MACROD2: variants seen among roughly 807,000 people sequenced by gnomAD.
The protein encoded by MACROD2 is ADP-ribose glycohydrolase MACROD2.
MACROD2 carries 36 observed loss-of-function variants against 70.4 expected under a neutral mutation model. The observed-to-expected ratio is 0.51, with a 90% CI of 0.39 to 0.68. The LOEUF (loss-of-function observed/expected upper bound fraction) is 0.68, where lower values mean the gene tolerates loss of function less well. MACROD2 is among the 30% of genes least tolerant of loss of function. The pLI is 0.00. For synonymous variants in MACROD2, 172 were observed against 178.8 expected, an observed-to-expected ratio of 0.96 and a Z score of 0.30; for missense variants, 496 against 538.4, an observed-to-expected ratio of 0.92 and a Z score of 0.78.
intron 8 of MACROD2, among the ~76,000 whole-genome samples, chr20:15,797,136 T>C (rs1393902063): frequency 1.4e-4 from 21 of 152,106 alleles, no homozygotes. Context: ...GTTTTTGAGA[T>C]GGAGTCTCGC....
intron 3 of MACROD2, among the ~76,000 whole-genome samples, chr20:14,311,376 T>C (rs1743107481): frequency 6.6e-6 from 1 of 152,190 alleles, no homozygotes; most frequent in Non-Finnish European, 1.5e-5. Flanking sequence ...AAGTAGGGTA[T>C]ACCATATCCT....
intron 3 of MACROD2, among the ~76,000 whole-genome samples, chr20:14,090,592 C>T (rs1237006766): frequency 1.3e-5 from 2 of 151,814 alleles, no homozygotes; most frequent in African/African-American, 4.8e-5. Flanking sequence ...AAAAAGAACC[C>T]CCTCATGCTG....
At chr20:15,788,355 G>A (rs774703823) in intron 8 of MACROD2, among the ~76,000 whole-genome samples, 2 of 152,134 alleles carry the variant, frequency 1.3e-5, no homozygotes, top group African/African-American at 2.4e-5. Flanking sequence ...CTTGTCCTTC[G>A]TAATAGTGGA....
intron 6 of MACROD2, among the ~76,000 whole-genome samples, chr20:15,415,430 T>C (rs1363009117): frequency 6.6e-6 from 1 of 152,174 alleles, no homozygotes; most frequent in Non-Finnish European, 1.5e-5. Context: ...GAAGGATGTG[T>C]CCCACTTTCA....
Position 14,450,792 on chromosome 20 carries a change from A to C in MACROD2, c.272-42687A>C, listed in dbSNP as rs1017428080. On this transcript the variant is annotated intron_variant, in intron 3 of 17. Coordinates refer to ENST00000684519, the MANE Select transcript of MACROD2 (RefSeq NM_001351661.2). Reference sequence around the variant, plus strand: ...CTGAGAAACATTAACATAGTACCTGAAGGAAAAGGGGCTAGAAGGTGGGGA... The same window carrying C: ...CTGAGAAACATTAACATAGTACCTGCAGGAAAAGGGGCTAGAAGGTGGGGA... Among the ~76,000 whole-genome samples the C allele has an allele frequency of 2.5e-4, 38 of 152,102 alleles. 3 individuals carry two copies. The highest frequency in any genetic ancestry group is 2.1e-3 in the Admixed American group (32 of 15,266).
chr20:15,225,943 T>C (rs2076902304), intron 5 of MACROD2, among the ~76,000 whole-genome samples: 1 of 152,228 alleles, frequency 6.6e-6, no homozygotes, highest in Admixed American at 6.5e-5. Context: ...TTTTGTTAGA[T>C]ATGATTAAAT....
chr20:14,219,812 C>T (rs1192890675), intron 3 of MACROD2, among the ~76,000 whole-genome samples: 1 of 152,134 alleles, frequency 6.6e-6, no homozygotes, highest in African/African-American at 2.4e-5. Flanking sequence ...GTCTGGCCAC[C>T]CAGAGAGTCT....
chr20:14,669,438 TC>T (rs1214159244), intron 4 of MACROD2, among the ~76,000 whole-genome samples: 3 of 146,876 alleles, frequency 2.0e-5, no homozygotes, highest in Non-Finnish European at 4.4e-5. Flanking sequence ...TAATCCTTTA[TC>T]ATCTTACCTA....
chr20:15,719,704 G>A (rs1312183285), intron 8 of MACROD2, among the ~76,000 whole-genome samples: 6 of 151,952 alleles, frequency 3.9e-5, no homozygotes, highest in Non-Finnish European at 5.9e-5. Flanking sequence ...ACGGGGTACA[G>A]TGTGATGTTT....
At chr20:14,786,875 T>C (rs2072381140) in intron 5 of MACROD2, among the ~76,000 whole-genome samples, 1 of 151,986 alleles carries the variant, frequency 6.6e-6, no homozygotes, top group African/African-American at 2.4e-5. Context: ...CAAATACGTA[T>C]AAAGAAAGAG....
intron 8 of MACROD2, among the ~76,000 whole-genome samples, chr20:15,837,097 A>C (rs1378427889): frequency 2.0e-5 from 3 of 152,204 alleles, no homozygotes; most frequent in African/African-American, 7.2e-5. Context: ...TAGGTTGCCA[A>C]GAAAATAGGT....
At chr20:15,304,271 A>G (rs1475370788) in intron 6 of MACROD2, among the ~76,000 whole-genome samples, 1 of 152,176 alleles carries the variant, frequency 6.6e-6, no homozygotes, top group African/African-American at 2.4e-5. Flanking sequence ...CAATGGGACC[A>G]TGGGACTGGT....
rs1426722030 is a variant in MACROD2, at chr20:13,996,276, C to T, written c.46+467C>T. On this transcript the variant is annotated intron_variant, in intron 1 of 17. Coordinates refer to ENST00000684519, the MANE Select transcript of MACROD2 (RefSeq NM_001351661.2). ...TCCGTGCACCCTCATTTCTTTCCTT[C>T]TCGCCCCTGTCCCCCCAGCCCCCGA... 4 of 179,770 alleles carry T rather than the reference C, an allele frequency of 2.2e-5. No homozygotes were observed. The South Asian group carries it at 3.7e-4, about 17-fold the overall frequency. The allele number at this position is 179,770 out of a possible 1,614,324, so 11.1% of individuals were successfully genotyped here.
At chr20:15,379,730 G>C (rs1324128578) in intron 6 of MACROD2, among the ~76,000 whole-genome samples, 4 of 152,066 alleles carry the variant, frequency 2.6e-5, no homozygotes, top group African/African-American at 4.8e-5. Context: ...ATTTATGTAA[G>C]AGAGTCCTAG....
chr20:15,054,394 G>A (rs2075466644), intron 5 of MACROD2, among the ~76,000 whole-genome samples: 1 of 152,034 alleles, frequency 6.6e-6, no homozygotes. Context: ...CCACCACCCT[G>A]ATCAGTCAGC....
At chr20:14,510,333 A>G (rs1250620280) in intron 4 of MACROD2, among the ~76,000 whole-genome samples, 1 of 7,422 alleles carries the variant, frequency 1.3e-4, no homozygotes, top group African/African-American at 2.2e-4. Context: ...CATGGTAAAT[A>G]CAAATATAAA....
intron 6 of MACROD2, among the ~76,000 whole-genome samples, chr20:15,265,811 G>C (rs1224937779): frequency 1.3e-5 from 2 of 152,142 alleles, no homozygotes; most frequent in East Asian, 3.9e-4. Context: ...AAAGTTACCA[G>C]CTATCATTGT....
intron 5 of MACROD2, among the ~76,000 whole-genome samples, chr20:14,743,882 G>A (rs768071063): frequency 6.6e-5 from 10 of 152,168 alleles, no homozygotes; most frequent in Non-Finnish European, 1.2e-4. Context: ...AGACACAGGG[G>A]TGGTCCAAGT....
Position 14,961,709 on chromosome 20 carries a change from G to A in MACROD2, c.419-268231G>A, listed in dbSNP as rs553909935. ...AAGGATTACAGGTGTGAGTCACTGC[G>A]CCAGCCTAAGTTAGGTGTTTAAATG... On this transcript the variant is annotated intron_variant, in intron 5 of 17. Coordinates refer to ENST00000684519, the MANE Select transcript of MACROD2 (RefSeq NM_001351661.2). 1.2e-4 allele frequency among the ~76,000 whole-genome samples: 19 copies of A among 152,126 alleles called. No individual in the cohort carries two copies. In the East Asian group the frequency reaches 1.4e-3, roughly 11 times the overall value.
Sources: gnomAD v4.1 joint callset for allele counts (sites outside exome capture counted in the v4.1 genomes callset) on GRCh38, gnomAD v4.1.1 for gene constraint, MANE v1.5 for transcripts, NCBI Gene and HGNC (gene_info 2026-07-23, HGNC 2026-07-21) for gene names.